The following CRYBA4 variants were observed in gnomAD, a reference collection of about 807,000 sequenced individuals.
CRYBA4 encodes the protein crystallin beta A4, also known as beta-crystallin A4.
CRYBA4 carries 30 observed loss-of-function variants against 31.7 expected under a neutral mutation model. The ratio of observed to expected loss-of-function variants is 0.95; its 90% CI spans 0.71 to 1.28. The LOEUF (loss-of-function observed/expected upper bound fraction) is 1.28, where lower values mean the gene tolerates loss of function less well. Ranked by LOEUF, CRYBA4 falls within the 50% of genes most tolerant of loss-of-function variation. CRYBA4 has a pLI of 0.00. For synonymous variants in CRYBA4, 102 were observed against 102.3 expected, an observed-to-expected ratio of 1.00 and a Z score of 0.02; for missense variants, 225 against 260.7, an observed-to-expected ratio of 0.86 and a Z score of 0.94.
the CRYBA4 span, among the ~76,000 whole-genome samples, chr22:26,603,633 G>A: frequency 2.6e-5 from 4 of 151,934 alleles, no homozygotes; most frequent in Admixed American, 1.3e-4. Flanking sequence ...GGCCGGGCGC[G>A]GTGGCTCACG....
the CRYBA4 span, chr22:26,616,059 AGAG>A: frequency 1.4e-5 from 15 of 1,091,198 alleles, no homozygotes; most frequent in Non-Finnish European, 2.0e-5. Flanking sequence ...TGAAAGAGGA[AGAG>A]GAGGAGGAGA....
the CRYBA4 span, among the ~76,000 whole-genome samples, chr22:26,598,036 C>A: frequency 6.6e-6 from 1 of 152,174 alleles, no homozygotes; most frequent in Non-Finnish European, 1.5e-5. Flanking sequence ...GCACCCGCCA[C>A]CACAGCCGGC....
chr22:26,591,954 G>A, the CRYBA4 span, among the ~76,000 whole-genome samples: 1 of 148,684 alleles, frequency 6.7e-6, no homozygotes, highest in Non-Finnish European at 1.5e-5. Flanking sequence ...CAGATATTAA[G>A]TAATTTGCCC....
At position 26,629,470 on chromosome 22, in the gene CRYBA4, G is replaced by A. The variant is rs1929853746; in HGVS notation, c.444-870G>A. On this transcript the variant is annotated intron_variant, in intron 5 of 5. Coordinates refer to ENST00000354760, the MANE Select transcript of CRYBA4 (RefSeq NM_001886.3). ...GAAATCAATGAGTTGGGCCAGACAC[G>A]GTGGCTCACGCCTGTAATCCCAGCC... Among the ~76,000 whole-genome samples the A allele has an allele frequency of 2.6e-5, 4 of 151,872 alleles. No homozygotes were observed. The East Asian group carries it at 7.7e-4, about 29-fold the overall frequency.
chr22:26,615,276 G>A, the CRYBA4 span, among the ~76,000 whole-genome samples: 232 of 152,240 alleles, frequency 1.5e-3, 3 homozygotes, highest in South Asian at 0.03. Context: ...AGACCACCTC[G>A]AGCAATTTTG....
chr22:26,591,890 TACACACACACACACAC>T, the CRYBA4 span, among the ~76,000 whole-genome samples: 18 of 135,846 alleles, frequency 1.3e-4, no homozygotes, highest in African/African-American at 3.7e-4. Flanking sequence ...CCTGGGTGAG[TACACACACACACACAC>T]ACACACACAC....
Position 26,630,350 on chromosome 22 carries a change from TC to T in CRYBA4, c.457del (p.Gln153SerfsTer?), listed in dbSNP as rs1569213027. The T allele has an allele frequency of 1.9e-6, 3 of 1,614,110 alleles. No homozygotes were observed. Among genetic ancestry groups the T allele is most frequent in the Non-Finnish European group, 2.5e-6 (3 of 1,180,026 alleles). On this transcript the variant is annotated frameshift_variant, in exon 6 of 6. Transcript: ENST00000354760. LOFTEE classifies it high-confidence loss of function. Reference sequence around the variant, plus strand: ...TTTTCTCTTTTCCAGCTGGGTTTGCTCCCAGTTTCCGGGCTACCGAGGATTT... The same window carrying T: ...TTTTCTCTTTTCCAGCTGGGTTTGCTCCAGTTTCCGGGCTACCGAGGATTT... Reference protein sequence around the residue: ...FHVHSGAWVCSQFPGYRGFQY... With the variant: ...FHVHSGAWVCXQFPGYRGFQY...
chr22:26,612,251 G>A, the CRYBA4 span: 20 of 1,114,328 alleles, frequency 1.8e-5, no homozygotes, highest in Non-Finnish European at 1.7e-5. Flanking sequence ...AATTCATTAA[G>A]TATCTACATA....
chr22:26,617,442 A>G (rs1396090888), upstream of CRYBA4, among the ~76,000 whole-genome samples: 1 of 152,176 alleles, frequency 6.6e-6, no homozygotes, highest in Non-Finnish European at 1.5e-5. Context: ...AGCCTCCTCC[A>G]GGAAGGCTGT....
the CRYBA4 span, among the ~76,000 whole-genome samples, chr22:26,610,678 C>T: frequency 1.3e-5 from 2 of 152,122 alleles, no homozygotes; most frequent in African/African-American, 2.4e-5. Context: ...GAGGTGGGTA[C>T]GTGACCATCA....
chr22:26,608,479 CAA>C, the CRYBA4 span, among the ~76,000 whole-genome samples: 3 of 152,000 alleles, frequency 2.0e-5, no homozygotes, highest in African/African-American at 2.4e-5. Context: ...TCTTTTGTAA[CAA>C]AGAGAGAAAA....
chr22:26,594,008 G>C, the CRYBA4 span, among the ~76,000 whole-genome samples: 1 of 152,224 alleles, frequency 6.6e-6, no homozygotes, highest in Admixed American at 6.5e-5. Context: ...GCTGGTAATT[G>C]TCAGAGCTGG....
rs780172596 is a variant in CRYBA4, at chr22:26,622,590, G to A, written c.-7G>A. The A allele has an allele frequency of 6.2e-7, 1 of 1,613,330 alleles. No homozygotes were observed. Among genetic ancestry groups the A allele is most frequent in the South Asian group, 1.1e-5 (1 of 91,050 alleles). On this transcript the variant is annotated 5_prime_UTR_variant, in exon 2 of 6. Transcript: ENST00000354760. ...AATGTTCTTCTCTTCTGCAGGAAGG[G>A]GCCACAATGACCCTGCAATGCACAA... is the stretch of plus-strand genomic sequence containing the variant.
the CRYBA4 span, among the ~76,000 whole-genome samples, chr22:26,594,165 C>T: frequency 6.6e-6 from 1 of 152,202 alleles, no homozygotes; most frequent in Admixed American, 6.5e-5. Context: ...GGGATCCAGG[C>T]TTCACAAAGC....
At chr22:26,605,422 C>G in the CRYBA4 span, among the ~76,000 whole-genome samples, 1 of 151,112 alleles carries the variant, frequency 6.6e-6, no homozygotes, top group Non-Finnish European at 1.5e-5. Flanking sequence ...GCCTGTAATC[C>G]CAGCACTTTG....
At chr22:26,609,476 G>A in the CRYBA4 span, among the ~76,000 whole-genome samples, 5 of 152,220 alleles carry the variant, frequency 3.3e-5, no homozygotes, top group African/African-American at 1.2e-4. Context: ...ATGAATGGAT[G>A]CATGGATAAA....
At chr22:26,605,500 C>T in the CRYBA4 span, among the ~76,000 whole-genome samples, 1 of 151,874 alleles carries the variant, frequency 6.6e-6, no homozygotes, top group East Asian at 1.9e-4. Context: ...ATGATGAAAC[C>T]CTGTCTCTAT....
the CRYBA4 span, among the ~76,000 whole-genome samples, chr22:26,598,557 G>A: frequency 6.6e-6 from 1 of 151,328 alleles, no homozygotes; most frequent in Admixed American, 6.6e-5. Context: ...TTAACTTTTG[G>A]AATTTTTGTA....
intron 5 of CRYBA4, among the ~76,000 whole-genome samples, chr22:26,629,305 T>C (rs1929849603): frequency 6.6e-6 from 1 of 151,670 alleles, no homozygotes; most frequent in South Asian, 2.1e-4. Flanking sequence ...TTGGCTTTAG[T>C]TTTCTCAGGA....
Sources: allele counts gnomAD v4.1 joint callset (sites outside exome capture counted in the v4.1 genomes callset), GRCh38; gene constraint gnomAD v4.1.1; transcripts MANE v1.5; gene names NCBI Gene and HGNC (gene_info 2026-07-23, HGNC 2026-07-21).